CPAMD8: variants seen among roughly 807,000 people sequenced by gnomAD.
CPAMD8 encodes C3 and PZP like alpha-2-macroglobulin domain containing 8, also known as C3 and PZP-like alpha-2-macroglobulin domain-containing protein 8.
CPAMD8 carries 146 observed loss-of-function variants against 224.7 expected under a neutral mutation model. The observed-to-expected ratio is 0.65, with a 90% CI of 0.57 to 0.75. CPAMD8 has a LOEUF of 0.75. Ranked by LOEUF, CPAMD8 falls within the 30% of genes least tolerant of loss-of-function variation. CPAMD8 has a pLI of 0.00. For missense variants in CPAMD8, 2,301 were observed against 2,537.5 expected (o/e 0.91, Z 2.00); for synonymous variants, 966 against 1,044.6 (o/e 0.92, Z 1.45).
chr19:17,013,040 C>A (rs10417631), intron 3 of CPAMD8, among the ~76,000 whole-genome samples: 4 of 151,814 alleles, frequency 2.6e-5, no homozygotes, highest in African/African-American at 9.7e-5. Flanking sequence ...AATTAGCCAG[C>A]TGTGGTGGTG....
chr19:17,007,398 A>AAGG (rs2056521804), intron 7 of CPAMD8, among the ~76,000 whole-genome samples: 1 of 151,572 alleles, frequency 6.6e-6, no homozygotes, highest in African/African-American at 2.4e-5. Flanking sequence ...AAGAAGGAGG[A>AAGG]AGGAGGAAGA....
At chr19:16,924,554 G>A (rs1045343159) in intron 26 of CPAMD8, among the ~76,000 whole-genome samples, 9 of 152,070 alleles carry the variant, frequency 5.9e-5, no homozygotes, top group Admixed American at 5.9e-4. Context: ...TCAGCCTAGA[G>A]CAACCCCTGA....
intron 3 of CPAMD8, among the ~76,000 whole-genome samples, chr19:17,014,993 G>A (rs1479170006): frequency 6.6e-6 from 1 of 152,248 alleles, no homozygotes; most frequent in African/African-American, 2.4e-5. Flanking sequence ...TGTCATCCCA[G>A]CACTTTGGGA....
chr19:17,022,497 T>C (rs1418420942), intron 1 of CPAMD8, among the ~76,000 whole-genome samples: 1 of 151,786 alleles, frequency 6.6e-6, no homozygotes, highest in African/African-American at 2.4e-5. Flanking sequence ...CCAGGACCTT[T>C]TTTTTTTTTT....
intron 36 of CPAMD8, 55 bp downstream of exon 36, chr19:16,901,155 C>CCCTA: frequency 5.4e-6 from 7 of 1,301,856 alleles, no homozygotes; most frequent in Non-Finnish European, 7.6e-6. Context: ...GGTGCCTAAG[C>CCCTA]CCTACCTATT....
At chr19:17,015,044 C>A (rs1321468662) in intron 3 of CPAMD8, among the ~76,000 whole-genome samples, 1 of 152,208 alleles carries the variant, frequency 6.6e-6, no homozygotes, top group African/African-American at 2.4e-5. Flanking sequence ...GAGTTCGGGA[C>A]CAGCCTGGCC....
At chr19:17,026,426 G>T in intron 1 of CPAMD8, 125 bp downstream of exon 1, 2 of 1,088,108 alleles carry the variant, frequency 1.8e-6, no homozygotes, top group Non-Finnish European at 2.4e-6. Context: ...GGGAACAAGA[G>T]GCCAGGTCCA....
In CPAMD8 at chr19:16,901,446, T is replaced by TGGCTCGGTC; in HGVS notation, c.4686-158_4686-150dup. On this transcript the variant is annotated intron_variant, in intron 35 of 41. Coordinates refer to ENST00000443236, the MANE Select transcript of CPAMD8 (RefSeq NM_015692.5). ...GGCAGGCCAACAGCACACACATCCT[T>TGGCTCGGTC]GGCTCGGTCAACTCAGTCAACCTAT... The TGGCTCGGTC allele has an allele frequency of 1.5e-5, 10 of 670,716 alleles. No individual in the cohort carries two copies. In the South Asian group the frequency reaches 1.5e-4, roughly 10 times the overall value. 41.5% of individuals were successfully genotyped at this position (670,716 alleles called of 1,614,324 possible).
rs549444007 is a variant in CPAMD8 at position 17,006,006 on chromosome 19, C to A, written c.560-1620G>T. Among the ~76,000 whole-genome samples, 246 of 151,994 alleles carry A rather than the reference C, an allele frequency of 1.6e-3. 1 individual carries two copies. The highest frequency in any genetic ancestry group is 2.7e-3 in the Non-Finnish European group (183 of 67,968). ...TTGAGACAGAGTCTTGCTCTTTTGCCCAGGCTGGAGTGCAGTGGCATGATC... is the reference window on the plus strand; with the variant it reads ...TTGAGACAGAGTCTTGCTCTTTTGCACAGGCTGGAGTGCAGTGGCATGATC... On this transcript the variant is annotated intron_variant, in intron 7 of 41. Transcript: ENST00000443236.
chr19:16,974,949 TG>T, intron 17 of CPAMD8, 147 bp downstream of exon 17: 1 of 1,076,236 alleles, frequency 9.3e-7, no homozygotes, highest in Non-Finnish European at 1.3e-6. Flanking sequence ...CACTCCAGCC[TG>T]GGCCACAGAG....
intron 36 of CPAMD8, among the ~76,000 whole-genome samples, chr19:16,900,064 T>C (rs1198948183): frequency 6.6e-6 from 1 of 151,986 alleles, no homozygotes; most frequent in Non-Finnish European, 1.5e-5. Context: ...CAGACCTCCT[T>C]TGGTCCCTGA....
chr19:17,021,321 C>T (rs1190943071), intron 2 of CPAMD8, among the ~76,000 whole-genome samples: 1 of 152,146 alleles, frequency 6.6e-6, no homozygotes, highest in African/African-American at 2.4e-5. Flanking sequence ...TCAGGAGTGC[C>T]TGGTTCTTCT....
Position 16,952,005 on chromosome 19 carries a change from C to T in CPAMD8, c.2472G>A (p.Pro824=), listed in dbSNP as rs367951922. The T allele has an allele frequency of 2.2e-5, 35 of 1,582,110 alleles. No homozygotes were observed. The highest frequency in any genetic ancestry group is 3.6e-5 in the Admixed American group (2 of 55,128). The change falls in exon 20 of 42, where the codon CCG becomes CCA. Residue 824 remains proline (P), a synonymous_variant. Coordinates refer to ENST00000443236, the MANE Select transcript of CPAMD8 (RefSeq NM_015692.5). ...LIIRGEQVKI[P]LSVYNYMGTC... ...TGCCCATGTAGTTGTAGACACTGAG[C>T]GGGATCTTGACCTGCTCCCCACGGA...
At chr19:17,011,988 G>T (rs1286725214) in intron 3 of CPAMD8, among the ~76,000 whole-genome samples, 3 of 152,130 alleles carry the variant, frequency 2.0e-5, no homozygotes, top group Non-Finnish European at 4.4e-5. Context: ...ATCTTACAGA[G>T]CACAGGACAC....
intron 27 of CPAMD8, among the ~76,000 whole-genome samples, chr19:16,915,871 CTT>C (rs1295346695): frequency 6.6e-6 from 1 of 151,722 alleles, no homozygotes; most frequent in Non-Finnish European, 1.5e-5. Flanking sequence ...TTCCTTTCTT[CTT>C]TCTCTCTTTT....
At chr19:16,979,177 T>C (rs2055397331) in intron 14 of CPAMD8, among the ~76,000 whole-genome samples, 1 of 149,960 alleles carries the variant, frequency 6.7e-6, no homozygotes, top group South Asian at 2.2e-4. Flanking sequence ...TATCCATCCA[T>C]CCATTCATCT....
chr19:16,896,990 A>ACCCCCCCCC (rs2052031559), intron 39 of CPAMD8: 4 of 134,954 alleles, frequency 3.0e-5, no homozygotes, highest in Non-Finnish European at 4.0e-5. Context: ...ACCCACCCCA[A>ACCCCCCCCC]CCCCACCCCC....
chr19:16,987,910 C>T (rs2055803533), intron 13 of CPAMD8, among the ~76,000 whole-genome samples: 2 of 151,866 alleles, frequency 1.3e-5, no homozygotes, highest in African/African-American at 4.8e-5. Context: ...GCAATCCTCC[C>T]GCCTCAGCCT....
At chr19:16,905,547 A>T (rs2052438424) in intron 30 of CPAMD8, among the ~76,000 whole-genome samples, 1 of 145,840 alleles carries the variant, frequency 6.9e-6, no homozygotes, top group African/African-American at 2.5e-5. Context: ...TTTCAAAAAA[A>T]AAAAAAAAAA....
Sources: allele counts gnomAD v4.1 joint callset (sites outside exome capture counted in the v4.1 genomes callset), GRCh38; gene constraint gnomAD v4.1.1; transcripts MANE v1.5; gene names NCBI Gene and HGNC (gene_info 2026-07-23, HGNC 2026-07-21).